Variants in UVRAG observed in about 807,000 individuals in gnomAD.
The protein encoded by UVRAG is UV radiation resistance associated.
In UVRAG, 19 loss-of-function variants were observed where a neutral mutation model predicts 78.0. The ratio of observed to expected loss-of-function variants is 0.24; its 90% CI spans 0.17 to 0.36. The LOEUF (loss-of-function observed/expected upper bound fraction) is 0.36, where lower values mean the gene tolerates loss of function less well. UVRAG is among the 10% of genes least tolerant of loss of function. The pLI is 1.00. For missense variants in UVRAG, 740 were observed against 853.8 expected, an observed-to-expected ratio of 0.87 and a Z score of 1.66; for synonymous variants, 323 against 324.6, an observed-to-expected ratio of 1.00 and a Z score of 0.05.
chr11:76,080,499 T>G (rs991484642), intron 13 of UVRAG, among the ~76,000 whole-genome samples: 1 of 151,804 alleles, frequency 6.6e-6, no homozygotes, highest in South Asian at 2.1e-4. Context: ...GCTTTTATAA[T>G]AGAATATATA....
At chr11:75,880,928 C>CTTTTTTTT (rs773034018) in intron 4 of UVRAG, among the ~76,000 whole-genome samples, 12 of 87,706 alleles carry the variant, frequency 1.4e-4, no homozygotes, top group Non-Finnish European at 2.1e-4. Context: ...TTATTTACTT[C>CTTTTTTTT]TTTTTTTTTT....
At chr11:75,999,251 A>AGATG (rs1184586766) in intron 8 of UVRAG, among the ~76,000 whole-genome samples, 1 of 698 alleles carries the variant, frequency 1.4e-3, no homozygotes, top group Non-Finnish European at 0.016. Flanking sequence ...AAAAAAAAAA[A>AGATG]GTCAACTTTC....
At chr11:75,882,469 C>T (rs1351885165) in intron 4 of UVRAG, among the ~76,000 whole-genome samples, 1 of 150,742 alleles carries the variant, frequency 6.6e-6, no homozygotes, top group Admixed American at 6.6e-5. Context: ...ACCGAGATGG[C>T]GCCACTGCAC....
At chr11:76,097,176 C>T (rs12804062) in intron 13 of UVRAG, among the ~76,000 whole-genome samples, 1 of 152,108 alleles carries the variant, frequency 6.6e-6, no homozygotes, top group Non-Finnish European at 1.5e-5. Context: ...TATAACTGCT[C>T]GACCCTCTGT....
At chr11:75,888,762 T>C in intron 4 of UVRAG, 67 bp from the exon 5 acceptor site, 1 of 1,356,608 alleles carries the variant, frequency 7.4e-7, no homozygotes, top group Non-Finnish European at 1.0e-6. Context: ...GTAACTGTCA[T>C]TCTCTGGTTG....
At chr11:76,014,464 C>G (rs940597972) in intron 11 of UVRAG, among the ~76,000 whole-genome samples, 3 of 152,226 alleles carry the variant, frequency 2.0e-5, no homozygotes, top group Admixed American at 1.3e-4. Context: ...TCCTCATCTT[C>G]TTCCTCTTCC....
At chr11:75,853,243 G>A (rs535485334) in intron 2 of UVRAG, among the ~76,000 whole-genome samples, 1 of 146,776 alleles carries the variant, frequency 6.8e-6, no homozygotes, top group Non-Finnish European at 1.5e-5. Flanking sequence ...ATTTAAAGCA[G>A]TGATTGTTTA....
chr11:75,905,639 G>A (rs1947597725), intron 5 of UVRAG, among the ~76,000 whole-genome samples: 1 of 152,120 alleles, frequency 6.6e-6, no homozygotes, highest in Non-Finnish European at 1.5e-5. Context: ...TTTTAGGGCT[G>A]AGTAATATTC....
intron 6 of UVRAG, among the ~76,000 whole-genome samples, chr11:75,917,556 A>G (rs930408520): frequency 3.3e-5 from 5 of 152,096 alleles, no homozygotes; most frequent in African/African-American, 7.2e-5. Flanking sequence ...TCTTCAATCT[A>G]TATCTCTAGC....
intron 6 of UVRAG, chr11:75,916,627 T>C (rs1362495128): frequency 1.3e-5 from 2 of 152,176 alleles, no homozygotes; most frequent in East Asian, 1.9e-4. Flanking sequence ...TGAGAACAGG[T>C]TTTGCAGCAA....
chr11:75,858,907 A>G (rs1190434456), intron 2 of UVRAG, among the ~76,000 whole-genome samples: 1 of 152,226 alleles, frequency 6.6e-6, no homozygotes, highest in Non-Finnish European at 1.5e-5. Context: ...AGGATGAGGC[A>G]CTTAAGCATT....
intron 7 of UVRAG, among the ~76,000 whole-genome samples, chr11:75,981,629 A>G (rs900709738): frequency 5.9e-5 from 9 of 151,804 alleles, no homozygotes; most frequent in African/African-American, 2.2e-4. Context: ...TATTTTTTCA[A>G]ATACTTTTTC....
intron 13 of UVRAG, among the ~76,000 whole-genome samples, chr11:76,103,817 G>T (rs1167224315): frequency 6.6e-6 from 1 of 152,076 alleles, no homozygotes; most frequent in East Asian, 1.9e-4. Flanking sequence ...CACAAAGAAT[G>T]ATTAAGAGGC....
chr11:76,115,842 A>G, intron 13 of UVRAG, 82 bp from the exon 14 acceptor site: 1 of 1,291,964 alleles, frequency 7.7e-7, no homozygotes. Context: ...AGAGTTCAAA[A>G]AAATAACTTG....
chr11:76,090,854 G>C (rs1016042364), intron 13 of UVRAG, among the ~76,000 whole-genome samples: 23 of 152,178 alleles, frequency 1.5e-4, no homozygotes, highest in Non-Finnish European at 2.6e-4. Context: ...ATCTTTGGGA[G>C]AAATCTCTCC....
intron 12 of UVRAG, among the ~76,000 whole-genome samples, chr11:76,043,867 T>C (rs1950696634): frequency 6.6e-6 from 1 of 152,226 alleles, no homozygotes; most frequent in Non-Finnish European, 1.5e-5. Flanking sequence ...TCCAGCTCTT[T>C]GTCACCTTAA....
At chr11:75,918,405 A>G (rs1014543223) in intron 6 of UVRAG, among the ~76,000 whole-genome samples, 10 of 151,614 alleles carry the variant, frequency 6.6e-5, no homozygotes, top group Admixed American at 2.0e-4. Flanking sequence ...AGATACATGA[A>G]TTTTCTTACT....
chr11:75,898,784 G>A (rs1947414423), intron 5 of UVRAG, among the ~76,000 whole-genome samples: 2 of 152,058 alleles, frequency 1.3e-5, no homozygotes, highest in South Asian at 4.1e-4. Flanking sequence ...TCATTTTCAG[G>A]ATGAAGATGC....
intron 1 of UVRAG, among the ~76,000 whole-genome samples, chr11:75,835,823 G>T (rs1046320472): frequency 6.6e-6 from 1 of 152,258 alleles, no homozygotes; most frequent in South Asian, 2.1e-4. Context: ...GCCGGGCATG[G>T]TGGCTCACGC....
Sources: allele counts gnomAD v4.1 joint callset (sites outside exome capture counted in the v4.1 genomes callset), GRCh38; gene constraint gnomAD v4.1.1; transcripts MANE v1.5; gene names NCBI Gene and HGNC (gene_info 2026-07-23, HGNC 2026-07-21).